The following SNX3 variants were observed in gnomAD, a reference collection of about 807,000 sequenced individuals.
The protein encoded by SNX3 is sorting nexin-3.
A neutral mutation model predicts 17.7 loss-of-function variants in SNX3; 5 were observed. That is an observed-to-expected ratio of 0.28 (90% CI 0.15 to 0.59). The LOEUF (loss-of-function observed/expected upper bound fraction) is 0.59, where lower values mean the gene tolerates loss of function less well. Ranked by LOEUF, SNX3 falls within the 20% of genes least tolerant of loss-of-function variation. The pLI, the probability that SNX3 is intolerant of heterozygous loss-of-function variation, is 0.88. For missense variants in SNX3, 132 were observed against 206.8 expected, an observed-to-expected ratio of 0.64 and a Z score of 2.22; for synonymous variants, 91 against 76.5, an observed-to-expected ratio of 1.19 and a Z score of -0.99.
In SNX3 at chr6:108,252,045, A is replaced by G. The variant is rs532302942; in HGVS notation, c.162+8715T>C. On this transcript the variant is annotated intron_variant, in intron 1 of 3. Coordinates refer to ENST00000230085, the MANE Select transcript of SNX3 (RefSeq NM_003795.6). ...GCACTATTGCACTCCAGCCTGGGCA[A>G]CAGGGTGAGAGACTGTCTCAAAAAT... is the stretch of plus-strand genomic sequence containing the variant. Among the ~76,000 whole-genome samples the G allele has an allele frequency of 6.6e-5, 10 of 151,372 alleles. No homozygotes were observed. The South Asian group carries it at 2.1e-3, about 32-fold the overall frequency.
intron 1 of SNX3, among the ~76,000 whole-genome samples, chr6:108,237,744 G>T (rs1030698851): frequency 1.3e-5 from 2 of 151,640 alleles, no homozygotes; most frequent in Non-Finnish European, 2.9e-5. Flanking sequence ...AGCTGAGATC[G>T]TGGCACTGCA....
chr6:108,242,519 G>A (rs549214631), intron 1 of SNX3, among the ~76,000 whole-genome samples: 124 of 152,160 alleles, frequency 8.1e-4, no homozygotes, highest in African/African-American at 2.8e-3. Context: ...TATTCAGAGC[G>A]CTCAAAGAAA....
chr6:108,215,210 C>T (rs775162432), intron 2 of SNX3, among the ~76,000 whole-genome samples: 3 of 151,962 alleles, frequency 2.0e-5, no homozygotes, highest in Admixed American at 6.6e-5. Context: ...ATGAGCCGGG[C>T]GTGGTGGCGG....
intron 1 of SNX3, among the ~76,000 whole-genome samples, chr6:108,223,530 C>T: frequency 9.9e-6 from 1 of 100,588 alleles, no homozygotes; most frequent in Admixed American, 1.3e-4. Flanking sequence ...TTTTTTGAGA[C>T]AGAATCTCAC....
At chr6:108,240,672 T>G (rs1288747457) in intron 1 of SNX3, among the ~76,000 whole-genome samples, 1 of 152,140 alleles carries the variant, frequency 6.6e-6, no homozygotes, top group Admixed American at 6.5e-5. Context: ...AAGTCCCAAA[T>G]GCAGGACTAT....
chr6:108,258,554 G>A (rs753737918), intron 1 of SNX3, among the ~76,000 whole-genome samples: 2 of 151,828 alleles, frequency 1.3e-5, no homozygotes, highest in East Asian at 1.9e-4. Context: ...CTGTTATGCC[G>A]GCTTGAGTAG....
At position 108,212,206 on chromosome 6, in the gene SNX3, A is replaced by G. The variant is rs1436794948; in HGVS notation, c.432T>C (p.Phe144=). 10 of 1,611,262 alleles carry G rather than the reference A, an allele frequency of 6.2e-6. No individual in the cohort carries two copies. The highest frequency in any genetic ancestry group is 8.5e-6 in the Non-Finnish European group (10 of 1,179,188). The change falls in exon 4 of 4, where the codon TTT becomes TTC. Residue 144 remains phenylalanine (F), a synonymous_variant. Transcript: ENST00000230085. The part of the protein sequence containing the change: ...LAQNERCLHM[F]LQDEIIDKSY... The stretch of plus-strand genomic sequence containing the variant: ...TTTTATCTATTATTTCATCTTGTAA[A>G]AACATGTGAAGACAACGTTCGTTCT...
chr6:108,237,973 T>G, intron 1 of SNX3, among the ~76,000 whole-genome samples: 1 of 151,416 alleles, frequency 6.6e-6, no homozygotes, highest in Non-Finnish European at 1.5e-5. Context: ...GGCACGCGCC[T>G]GTAGTCTCAG....
chr6:108,233,646 G>C (rs1052431963), intron 1 of SNX3, among the ~76,000 whole-genome samples: 5 of 152,204 alleles, frequency 3.3e-5, no homozygotes, highest in Non-Finnish European at 7.3e-5. Context: ...CTACTCGGGA[G>C]GCTGAGGTGG....
intron 1 of SNX3, among the ~76,000 whole-genome samples, chr6:108,231,477 C>T (rs1318692839): frequency 6.6e-6 from 1 of 152,194 alleles, no homozygotes; most frequent in Non-Finnish European, 1.5e-5. Context: ...TTCAGAGCAA[C>T]ATTCTACATT....
At chr6:108,222,071 G>T (rs1343832778) in intron 2 of SNX3, among the ~76,000 whole-genome samples, 1 of 151,816 alleles carries the variant, frequency 6.6e-6, no homozygotes, top group Non-Finnish European at 1.5e-5. Flanking sequence ...TTACATTTTT[G>T]TTGGAATGCT....
At chr6:108,221,532 C>CTTTTTTTTTTTTT (rs554429322) in intron 2 of SNX3, among the ~76,000 whole-genome samples, 1 of 57,780 alleles carries the variant, frequency 1.7e-5, no homozygotes. Flanking sequence ...CAGTATTACA[C>CTTTTTTTTTTTTT]TTTTTTTTTT....
chr6:108,249,781 T>C (rs2001146), intron 1 of SNX3, among the ~76,000 whole-genome samples: 7,955 of 152,260 alleles, frequency 0.052, 288 homozygotes, highest in South Asian at 0.19. Context: ...TAATATTTCA[T>C]TCACCACCCA....
At chr6:108,215,098 C>CCAGCACT (rs1294122868) in intron 2 of SNX3, among the ~76,000 whole-genome samples, 1 of 152,170 alleles carries the variant, frequency 6.6e-6, no homozygotes, top group Admixed American at 6.5e-5. Context: ...GCCTGTAATC[C>CCAGCACT]CAGCACTTTG....
intron 1 of SNX3, among the ~76,000 whole-genome samples, chr6:108,233,901 TAA>T (rs1187293764): frequency 1.3e-5 from 2 of 152,174 alleles, no homozygotes; most frequent in Non-Finnish European, 2.9e-5. Context: ...GAATGGAGTG[TAA>T]AGTCATTATA....
At chr6:108,239,705 C>T (rs1043135517) in intron 1 of SNX3, among the ~76,000 whole-genome samples, 4 of 152,294 alleles carry the variant, frequency 2.6e-5, no homozygotes, top group South Asian at 4.1e-4. Flanking sequence ...TTCTTACACA[C>T]GTTCAACTTC....
At chr6:108,223,138 ACTTT>A (rs987421928) in intron 1 of SNX3, 93 bp from the exon 2 acceptor site, 17 of 674,470 alleles carry the variant, frequency 2.5e-5, no homozygotes, top group Non-Finnish European at 3.6e-5. Flanking sequence ...AGAAATCATG[ACTTT>A]CTTTTTCTTT....
intron 1 of SNX3, among the ~76,000 whole-genome samples, chr6:108,226,735 G>T (rs1174924298): frequency 6.6e-6 from 1 of 152,060 alleles, no homozygotes; most frequent in African/African-American, 2.4e-5. Context: ...TTTAATTCAG[G>T]CCCTTAAATC....
intron 1 of SNX3, among the ~76,000 whole-genome samples, chr6:108,240,095 C>A (rs1562433237): frequency 6.6e-6 from 1 of 152,188 alleles, no homozygotes. Flanking sequence ...ACTAGACAAA[C>A]ATGTCAAACC....
Sources: gnomAD v4.1 joint callset for allele counts (sites outside exome capture counted in the v4.1 genomes callset) on GRCh38, gnomAD v4.1.1 for gene constraint, MANE v1.5 for transcripts, NCBI Gene and HGNC (gene_info 2026-07-23, HGNC 2026-07-21) for gene names.